Variants in PLXDC2 observed in about 807,000 individuals in gnomAD.
PLXDC2 encodes the protein plexin domain-containing protein 2.
A neutral mutation model predicts 68.9 loss-of-function variants in PLXDC2; 40 were observed. The observed-to-expected ratio is 0.58, with a 90% CI of 0.45 to 0.76. PLXDC2 has a LOEUF of 0.76. Among genes scored for constraint, PLXDC2 ranks in the 30% least tolerant of loss-of-function variants. The probability of loss-of-function intolerance (pLI) is 0.00; values close to 1 mark genes in which losing one functional copy is unlikely to be tolerated. For missense variants in PLXDC2, 644 were observed against 661.9 expected (o/e 0.97, Z 0.30); for synonymous variants, 243 against 234.2 (o/e 1.04, Z -0.34).
chr10:20,189,097 G>C (rs1460839939), intron 9 of PLXDC2, among the ~76,000 whole-genome samples: 1 of 76,292 alleles, frequency 1.3e-5, no homozygotes, highest in Non-Finnish European at 4.6e-5. Flanking sequence ...TGTCTTTTAA[G>C]AATGCAAAGT....
intron 1 of PLXDC2, among the ~76,000 whole-genome samples, chr10:19,912,874 G>C (rs1307690884): frequency 6.6e-6 from 1 of 151,934 alleles, no homozygotes; most frequent in East Asian, 1.9e-4. Flanking sequence ...TTAAATTACT[G>C]GCTATCCTAA....
chr10:20,039,865 G>C (rs1425417654), intron 2 of PLXDC2, among the ~76,000 whole-genome samples: 2 of 152,328 alleles, frequency 1.3e-5, no homozygotes, highest in East Asian at 3.9e-4. Context: ...TATCAGAGGA[G>C]AGAGAAATAG....
At chr10:20,246,813 A>G (rs1835603023) in intron 13 of PLXDC2, among the ~76,000 whole-genome samples, 1 of 152,250 alleles carries the variant, frequency 6.6e-6, no homozygotes, top group African/African-American at 2.4e-5. Flanking sequence ...GCTTGGAATT[A>G]TGTTCACTTG....
intron 11 of PLXDC2, among the ~76,000 whole-genome samples, 172 bp from the exon 12 acceptor site, chr10:20,218,891 AC>A (rs1835174479): frequency 6.6e-6 from 1 of 152,224 alleles, no homozygotes; most frequent in Non-Finnish European, 1.5e-5. Flanking sequence ...TTTTAGAACT[AC>A]ATCATGTAAA....
chr10:19,880,763 T>C (rs1453739509), intron 1 of PLXDC2, among the ~76,000 whole-genome samples: 1 of 152,216 alleles, frequency 6.6e-6, no homozygotes, highest in African/African-American at 2.4e-5. Context: ...GCCTCTACCT[T>C]ACATCATGCT....
chr10:20,100,041 C>T (rs890066622), intron 4 of PLXDC2, among the ~76,000 whole-genome samples: 5 of 152,106 alleles, frequency 3.3e-5, no homozygotes, highest in African/African-American at 7.2e-5. Context: ...TATTCCCTGT[C>T]GCAAAATTTA....
At chr10:19,827,375 T>C (rs1230521901) in intron 1 of PLXDC2, among the ~76,000 whole-genome samples, 1 of 152,164 alleles carries the variant, frequency 6.6e-6, no homozygotes, top group East Asian at 1.9e-4. Flanking sequence ...CCAGAGCCAT[T>C]TTAGAATAAA....
At chr10:20,121,596 G>A (rs564945965) in intron 4 of PLXDC2, among the ~76,000 whole-genome samples, 2 of 152,194 alleles carry the variant, frequency 1.3e-5, no homozygotes, top group South Asian at 2.1e-4. Context: ...AAGTGAAAGC[G>A]AAGAGAGGCT....
chr10:19,902,570 G>A (rs371785595), intron 1 of PLXDC2, among the ~76,000 whole-genome samples: 2 of 152,238 alleles, frequency 1.3e-5, no homozygotes, highest in East Asian at 1.9e-4. Context: ...CCAGTTCTAG[G>A]AGCTTTTTGG....
chr10:20,038,544 T>C (rs1835621060), intron 2 of PLXDC2, among the ~76,000 whole-genome samples: 1 of 152,190 alleles, frequency 6.6e-6, no homozygotes, highest in Non-Finnish European at 1.5e-5. Context: ...AAGAAGGTAT[T>C]AATGTAGTAT....
chr10:19,952,705 T>C (rs1589553584), intron 1 of PLXDC2, among the ~76,000 whole-genome samples: 1 of 152,284 alleles, frequency 6.6e-6, no homozygotes, highest in African/African-American at 2.4e-5. Flanking sequence ...GATATGTACC[T>C]ATTTAAAAAG....
At chr10:20,056,147 A>G (rs1472601583) in intron 3 of PLXDC2, among the ~76,000 whole-genome samples, 1 of 152,174 alleles carries the variant, frequency 6.6e-6, no homozygotes, top group Non-Finnish European at 1.5e-5. Context: ...CACATACAAT[A>G]TATTCAAATG....
At chr10:19,930,876 A>G (rs1255683223) in intron 1 of PLXDC2, among the ~76,000 whole-genome samples, 1 of 152,082 alleles carries the variant, frequency 6.6e-6, no homozygotes, top group Admixed American at 6.6e-5. Context: ...AGACATGAGA[A>G]TCACTTGAAC....
In PLXDC2 at chr10:20,086,219, G is replaced by C. The variant is rs552020802; in HGVS notation, c.541+17980G>C. ...CTGTCTCCGAGGCTGGAGTGCAGTG[G>C]GGTGGTCACAGCTCACTGCAGCCTC... On this transcript the variant is annotated intron_variant, in intron 4 of 13. Coordinates refer to ENST00000377252, the MANE Select transcript of PLXDC2 (RefSeq NM_032812.9). Among the ~76,000 whole-genome samples, 6 of 152,200 alleles carry C rather than the reference G, an allele frequency of 3.9e-5. No homozygotes were observed. The South Asian group carries it at 1.2e-3, about 32-fold the overall frequency.
At chr10:20,189,143 A>T (rs1393446051) in intron 9 of PLXDC2, among the ~76,000 whole-genome samples, 1 of 76,230 alleles carries the variant, frequency 1.3e-5, no homozygotes, top group Non-Finnish European at 4.7e-5. Context: ...AGCCTTCCAA[A>T]CCTGAGTTTA....
intron 2 of PLXDC2, among the ~76,000 whole-genome samples, chr10:20,040,104 A>G (rs1564292099): frequency 6.6e-6 from 1 of 152,152 alleles, no homozygotes; most frequent in Non-Finnish European, 1.5e-5. Context: ...ACCTTTAACC[A>G]GAATTCTTTC....
At chr10:20,090,327 T>G (rs1833259479) in intron 4 of PLXDC2, among the ~76,000 whole-genome samples, 1 of 152,262 alleles carries the variant, frequency 6.6e-6, no homozygotes, top group South Asian at 2.1e-4. Flanking sequence ...AACACCCTTA[T>G]GTTCACCAGC....
chr10:19,967,365 C>G (rs535651701), intron 1 of PLXDC2, among the ~76,000 whole-genome samples: 3 of 152,166 alleles, frequency 2.0e-5, no homozygotes, highest in African/African-American at 4.8e-5. Flanking sequence ...AGGAACTGCA[C>G]TGTATCTGGA....
chr10:19,969,377 A>G (rs762935502), intron 1 of PLXDC2, among the ~76,000 whole-genome samples: 1 of 152,254 alleles, frequency 6.6e-6, no homozygotes, highest in Non-Finnish European at 1.5e-5. Flanking sequence ...AAAGTATGTT[A>G]CCAACCTTTC....
Sources: gnomAD v4.1 joint callset for allele counts (sites outside exome capture counted in the v4.1 genomes callset) on GRCh38, gnomAD v4.1.1 for gene constraint, MANE v1.5 for transcripts, NCBI Gene and HGNC (gene_info 2026-07-23, HGNC 2026-07-21) for gene names.